C10orf90: variants seen among roughly 807,000 people sequenced by gnomAD.
The protein encoded by C10orf90 is (E2-independent) E3 ubiquitin-conjugating enzyme FATS.
A neutral mutation model predicts 62.5 loss-of-function variants in C10orf90; 56 were observed. The observed-to-expected ratio is 0.90, with a 90% CI of 0.72 to 1.12. The LOEUF (loss-of-function observed/expected upper bound fraction) is 1.12, where lower values mean the gene tolerates loss of function less well. Ranked by LOEUF, C10orf90 falls within the 50% of genes most tolerant of loss-of-function variation. The pLI, the probability that C10orf90 is intolerant of heterozygous loss-of-function variation, is 0.00. For missense variants in C10orf90, 970 were observed against 880.4 expected, an observed-to-expected ratio of 1.10 and a Z score of -1.29; for synonymous variants, 386 against 340.4, an observed-to-expected ratio of 1.13 and a Z score of -1.47.
chr10:126,647,595 C>T (rs1846197687), intron 1 of C10orf90, among the ~76,000 whole-genome samples: 1 of 152,178 alleles, frequency 6.6e-6, no homozygotes, highest in African/African-American at 2.4e-5. Flanking sequence ...TGGGGTGGGA[C>T]AAGGACCTAA....
At chr10:126,480,029 T>C (rs1198127123) in intron 4 of C10orf90, among the ~76,000 whole-genome samples, 1 of 152,230 alleles carries the variant, frequency 6.6e-6, no homozygotes, top group African/African-American at 2.4e-5. Context: ...AAGGTTTTTA[T>C]TGGCTAGTGG....
intron 1 of C10orf90, among the ~76,000 whole-genome samples, chr10:126,659,208 T>C (rs1032342310): frequency 6.6e-6 from 1 of 152,182 alleles, no homozygotes; most frequent in African/African-American, 2.4e-5. Context: ...CAGGCTGCCT[T>C]GAAAACTAGC....
intron 2 of C10orf90, among the ~76,000 whole-genome samples, chr10:126,592,473 GA>G (rs1845000745): frequency 6.6e-6 from 1 of 152,162 alleles, no homozygotes; most frequent in Non-Finnish European, 1.5e-5. Flanking sequence ...ATGGTGCTGG[GA>G]GAACTGGCTA....
At chr10:126,583,547 A>C (rs563834674) in intron 2 of C10orf90, among the ~76,000 whole-genome samples, 145 of 152,276 alleles carry the variant, frequency 9.5e-4, no homozygotes, top group African/African-American at 3.3e-3. Context: ...TTTCTTTTAA[A>C]TAATCATTTC....
chr10:126,504,450 G>A lies in C10orf90; in HGVS notation c.1041C>T (p.Ser347=). ...GCTGAGACACCCTGAGGTGGACACA[G>A]GAACTGAACACCAGCGGGCTCTTTC... ...LSGKSPLVFS[S]CVHLRVSQQC... is the part of the protein sequence containing the mutation. The change falls in exon 4 of 10, where the codon TCC becomes TCT. Residue 347 remains serine (S), a synonymous_variant. Transcript: ENST00000488181. This position sits in a 1 kb window ranked among gnomAD's most constrained non-coding sequence, Gnocchi z 4.1. 6.2e-7 allele frequency: 1 copy of A among 1,614,234 alleles called. No individual in the cohort carries two copies.
chr10:126,458,238 AG>A (rs1564806180), intron 7 of C10orf90, among the ~76,000 whole-genome samples: 2 of 152,114 alleles, frequency 1.3e-5, no homozygotes, highest in African/African-American at 4.8e-5. Context: ...TTTTATTCTG[AG>A]TTATACTCAT....
chr10:126,501,015 T>C (rs1267542014), intron 4 of C10orf90, among the ~76,000 whole-genome samples: 1 of 152,208 alleles, frequency 6.6e-6, no homozygotes, highest in East Asian at 1.9e-4. Flanking sequence ...ATACAAAGAA[T>C]CAGATTCAGT....
chr10:126,649,205 G>A (rs751364241), intron 1 of C10orf90, among the ~76,000 whole-genome samples: 12 of 152,002 alleles, frequency 7.9e-5, no homozygotes, highest in Non-Finnish European at 1.0e-4. Context: ...AATTTTCAGC[G>A]ATGGGGTGAT....
intron 2 of C10orf90, among the ~76,000 whole-genome samples, chr10:126,553,767 C>T (rs1348891305): frequency 1.3e-5 from 2 of 152,098 alleles, no homozygotes; most frequent in Admixed American, 1.3e-4. Context: ...ATGAAAACAC[C>T]TAACGACACG....
rs560722838 is a variant in C10orf90 at position 126,611,103 on chromosome 10, A to G, written c.313+35462T>C. Among the ~76,000 whole-genome samples, 6 of 152,058 alleles carry G rather than the reference A, an allele frequency of 3.9e-5. 1 individual carries two copies. The South Asian group carries it at 1.2e-3, about 32-fold the overall frequency. ...TACCTAGTTTTAGAACATTTTCATC[A>G]CCCCAGAAAGAAATCCTGTACCCAA... On this transcript the variant is annotated intron_variant, in intron 2 of 9. Transcript: ENST00000488181.
At chr10:126,637,363 C>G (rs1178807625) in intron 2 of C10orf90, among the ~76,000 whole-genome samples, 1 of 152,206 alleles carries the variant, frequency 6.6e-6, no homozygotes, top group African/African-American at 2.4e-5. Flanking sequence ...TCATCCTAGA[C>G]TTAGCTCCTA....
chr10:126,524,592 G>A, intron 2 of C10orf90: 1 of 979,806 alleles, frequency 1.0e-6, no homozygotes, highest in Non-Finnish European at 1.2e-6. Flanking sequence ...CATTTTGGGA[G>A]CCTTAGTAGG....
intron 2 of C10orf90, among the ~76,000 whole-genome samples, chr10:126,642,348 T>TGC (rs1846078897): frequency 6.6e-6 from 1 of 151,814 alleles, no homozygotes; most frequent in Non-Finnish European, 1.5e-5. Context: ...CTGGCTAACA[T>TGC]GGTGAAACCC....
intron 2 of C10orf90, among the ~76,000 whole-genome samples, chr10:126,546,229 T>C (rs2133972349): frequency 6.6e-6 from 1 of 152,294 alleles, no homozygotes; most frequent in South Asian, 2.1e-4. Flanking sequence ...AATAAAACTG[T>C]ACCCTCATGC....
At chr10:126,549,454 A>T (rs940720871) in intron 2 of C10orf90, among the ~76,000 whole-genome samples, 3 of 152,226 alleles carry the variant, frequency 2.0e-5, no homozygotes, top group African/African-American at 7.2e-5. Context: ...AATTAATACC[A>T]CAATGAGATA....
chr10:126,446,545 T>C (rs1264483832), intron 7 of C10orf90, among the ~76,000 whole-genome samples: 1 of 152,070 alleles, frequency 6.6e-6, no homozygotes, highest in Non-Finnish European at 1.5e-5. Flanking sequence ...AAGCTGCCCT[T>C]TGGAAATGAG....
intron 2 of C10orf90, among the ~76,000 whole-genome samples, chr10:126,553,650 T>C (rs1195816366): frequency 6.6e-6 from 1 of 152,200 alleles, no homozygotes; most frequent in Non-Finnish European, 1.5e-5. Context: ...AGTCATGCTG[T>C]ACAGGTTTGT....
chr10:126,649,622 T>C (rs940419597), intron 1 of C10orf90, among the ~76,000 whole-genome samples: 3 of 152,230 alleles, frequency 2.0e-5, no homozygotes, highest in African/African-American at 7.2e-5. Context: ...TTCTGATTCA[T>C]AAGCTCCTGC....
At chr10:126,652,830 T>C (rs1397665150) in intron 1 of C10orf90, among the ~76,000 whole-genome samples, 2 of 152,180 alleles carry the variant, frequency 1.3e-5, no homozygotes, top group Non-Finnish European at 2.9e-5. Flanking sequence ...TTTCAGCATG[T>C]TCTATTATGT....
Sources: allele counts gnomAD v4.1 joint callset (sites outside exome capture counted in the v4.1 genomes callset), GRCh38; gene constraint gnomAD v4.1.1; non-coding constraint Gnocchi (gnomAD v3.1); transcripts MANE v1.5; gene names NCBI Gene and HGNC (gene_info 2026-07-23, HGNC 2026-07-21).